ACADL: variants seen among roughly 807,000 people sequenced by gnomAD.
ACADL encodes the protein acyl-CoA dehydrogenase long chain, also known as long-chain specific acyl-CoA dehydrogenase, mitochondrial.
ACADL carries 60 observed loss-of-function variants against 56.9 expected under a neutral mutation model. That is an observed-to-expected ratio of 1.05 (90% confidence interval 0.86 to 1.31). ACADL has a LOEUF of 1.31. Ranked by LOEUF, ACADL falls within the 50% of genes most tolerant of loss-of-function variation. The pLI is 0.00. For synonymous variants in ACADL, 158 were observed against 179.7 expected, an observed-to-expected ratio of 0.88 and a Z score of 0.97; for missense variants, 484 against 525.5, an observed-to-expected ratio of 0.92 and a Z score of 0.77.
chr2:210,222,521 A>AGG (rs1575683644), intron 1 of ACADL, among the ~76,000 whole-genome samples: 1 of 152,024 alleles, frequency 6.6e-6, no homozygotes, highest in East Asian at 1.9e-4. Flanking sequence ...AAAAAAAAAA[A>AGG]AAAGGAAAAG....
At chr2:210,196,217 TTA>T (rs1688708528) in intron 8 of ACADL, among the ~76,000 whole-genome samples, 1 of 151,960 alleles carries the variant, frequency 6.6e-6, no homozygotes, top group Non-Finnish European at 1.5e-5. Context: ...TCCGCCATGA[TTA>T]TGAGGCCTCC....
intron 4 of ACADL, among the ~76,000 whole-genome samples, chr2:210,215,400 T>A (rs13415601): frequency 0.098 from 14,968 of 152,182 alleles, 833 homozygotes; most frequent in Middle Eastern, 0.14. Flanking sequence ...ATTACTAACT[T>A]CTTTCTCCTT....
intron 1 of ACADL, among the ~76,000 whole-genome samples, chr2:210,222,102 A>G (rs976669743): frequency 6.6e-6 from 1 of 152,162 alleles, no homozygotes; most frequent in Non-Finnish European, 1.5e-5. Flanking sequence ...TTAGTTAGCA[A>G]ATATTTACTG....
intron 1 of ACADL, 88 bp downstream of exon 1, chr2:210,225,099 C>A: frequency 6.6e-7 from 1 of 1,523,246 alleles, no homozygotes; most frequent in Non-Finnish European, 8.8e-7. Context: ...CGCGCACCGC[C>A]CTGCTTCAAG....
At chr2:210,205,887 AAAAC>A in intron 5 of ACADL, 91 bp from the exon 6 acceptor site, 1 of 1,477,028 alleles carries the variant, frequency 6.8e-7, no homozygotes, top group Non-Finnish European at 9.4e-7. Flanking sequence ...ACAGAAAACT[AAAAC>A]AGACAAGACA....
chr2:210,218,180 A>AT, intron 2 of ACADL, 78 bp from the exon 3 acceptor site: 2 of 1,359,242 alleles, frequency 1.5e-6, no homozygotes, highest in Non-Finnish European at 2.0e-6. Context: ...CTTATGAATG[A>AT]TTTTGTGTAG....
At chr2:210,195,616 A>T (rs1356045043) in intron 8 of ACADL, among the ~76,000 whole-genome samples, 1 of 152,202 alleles carries the variant, frequency 6.6e-6, no homozygotes. Flanking sequence ...AGACGAGGCA[A>T]AATTCTTGAA....
At chr2:210,189,301 AAAT>A (rs763794276) in intron 10 of ACADL, among the ~76,000 whole-genome samples, 81 of 152,182 alleles carry the variant, frequency 5.3e-4, no homozygotes, top group Non-Finnish European at 9.7e-4. Context: ...TTCAAAATAA[AAAT>A]AATGAGTATG....
intron 1 of ACADL, among the ~76,000 whole-genome samples, chr2:210,223,909 A>G (rs917495140): frequency 6.6e-6 from 1 of 152,206 alleles, no homozygotes; most frequent in Non-Finnish European, 1.5e-5. Context: ...TATAACCTAC[A>G]TAAACAAAAG....
At chr2:210,207,337 A>G (rs1688902326) in intron 5 of ACADL, among the ~76,000 whole-genome samples, 1 of 152,180 alleles carries the variant, frequency 6.6e-6, no homozygotes, top group Admixed American at 6.5e-5. Flanking sequence ...AAAACTTATC[A>G]CAAACTGGCA....
At chr2:210,190,844 A>C (rs1688621070) in intron 10 of ACADL, among the ~76,000 whole-genome samples, 1 of 152,132 alleles carries the variant, frequency 6.6e-6, no homozygotes, top group Non-Finnish European at 1.5e-5. Context: ...TTCTTTTTTT[A>C]TCAAATCAAA....
At position 210,203,341 on chromosome 2, in the gene ACADL, G is replaced by A; in HGVS notation, c.974C>T (p.Ala325Val). Residue 325 changes from alanine to valine, a missense_variant, in exon 8 of 11, where the codon GCT (alanine) becomes GTT (valine). Physicochemically the swap from Ala to Val is moderately conservative, Grantham distance 64. Coordinates refer to ENST00000233710, the MANE Select transcript of ACADL (RefSeq NM_001608.4). Reference sequence around the variant, plus strand: ...CAGTGACAAGCTTACCTGTAGGTGAGCAACTGTTTTGCCAAAAGCTTTTCT... The same window carrying A: ...CAGTGACAAGCTTACCTGTAGGTGAACAACTGTTTTGCCAAAAGCTTTTCT... Reference protein sequence around the residue: ...KQRKAFGKTVAHLQTVQHKLA... With the variant: ...KQRKAFGKTVVHLQTVQHKLA... 1 of 1,611,488 alleles carries A rather than the reference G, an allele frequency of 6.2e-7. No individual in the cohort carries two copies. Among genetic ancestry groups the A allele is most frequent in the South Asian group, 1.1e-5 (1 of 90,964 alleles).
chr2:210,205,808 C>T lies in ACADL; in HGVS notation c.604-12G>A. Reference sequence around the variant, plus strand: ...TTACTGATGAACACCTGCAAAACCCCAAGTACATTATTAATGCACCATGAT... The same window carrying T: ...TTACTGATGAACACCTGCAAAACCCTAAGTACATTATTAATGCACCATGAT... On this transcript the variant is annotated splice_polypyrimidine_tract_variant and intron_variant, in intron 5 of 10. Transcript: ENST00000233710. 8 of 1,613,616 alleles carry T rather than the reference C, an allele frequency of 5.0e-6. No individual in the cohort carries two copies. Among genetic ancestry groups the T allele is most frequent in the Non-Finnish European group, 6.8e-6 (8 of 1,179,674 alleles).
intron 8 of ACADL, among the ~76,000 whole-genome samples, chr2:210,199,969 T>C (rs1389687351): frequency 6.6e-6 from 1 of 152,148 alleles, no homozygotes; most frequent in East Asian, 1.9e-4. Context: ...GGTCTCAAAG[T>C]CCTGGGCTCA....
At chr2:210,214,509 A>AAG (rs1553690970) in intron 4 of ACADL, among the ~76,000 whole-genome samples, 2,110 of 18,698 alleles carry the variant, frequency 0.11, 20 homozygotes, top group South Asian at 0.26. Context: ...GAAAGAAAGA[A>AAG]AAAGAAAGAA....
chr2:210,218,418 C>A, intron 2 of ACADL: 2 of 287,012 alleles, frequency 7.0e-6, no homozygotes, highest in South Asian at 3.9e-5. Context: ...GCAGCTAAGA[C>A]TTCAGGTACC....
intron 4 of ACADL, among the ~76,000 whole-genome samples, chr2:210,214,525 G>GAAAT (rs1302904380): frequency 9.3e-5 from 14 of 151,138 alleles, no homozygotes; most frequent in African/African-American, 3.4e-4. Flanking sequence ...AAGAAAGAAA[G>GAAAT]AAAGAAATCT....
At chr2:210,203,517 T>C in intron 7 of ACADL, 73 bp from the exon 8 acceptor site, 1 of 869,572 alleles carries the variant, frequency 1.1e-6, no homozygotes, top group Non-Finnish European at 1.8e-6. Flanking sequence ...TCAATTACGA[T>C]AAATCCTATA....
chr2:210,204,839 C>CAGGG (rs1420419160), intron 6 of ACADL, among the ~76,000 whole-genome samples, 157 bp from the exon 7 acceptor site: 1 of 152,094 alleles, frequency 6.6e-6, no homozygotes, highest in African/African-American at 2.4e-5. Flanking sequence ...AGTGGTAAAC[C>CAGGG]AGGGATTTGA....
Sources: gnomAD v4.1 joint callset for allele counts (sites outside exome capture counted in the v4.1 genomes callset) on GRCh38, gnomAD v4.1.1 for gene constraint, MANE v1.5 for transcripts, NCBI Gene and HGNC (gene_info 2026-07-23, HGNC 2026-07-21) for gene names.